Variants in MADD observed in about 807,000 individuals in gnomAD.
MADD encodes the protein MAP kinase-activating death domain protein.
In MADD, 109 loss-of-function variants were observed where a neutral mutation model predicts 176.7. The observed-to-expected ratio is 0.62, with a 90% CI of 0.53 to 0.72. The LOEUF (loss-of-function observed/expected upper bound fraction) is 0.72. Among genes scored for constraint, MADD ranks in the 30% least tolerant of loss-of-function variants. MADD has a pLI of 0.00. For synonymous variants in MADD, 771 were observed against 771.3 expected, an observed-to-expected ratio of 1.00 and a Z score of 0.01; for missense variants, 1,914 against 2,045.5, an observed-to-expected ratio of 0.94 and a Z score of 1.24.
At chr11:47,282,776 T>G (rs765812149) in intron 9 of MADD, 37 bp from the exon 10 acceptor site, 1 of 1,605,508 alleles carries the variant, frequency 6.2e-7, no homozygotes, top group Non-Finnish European at 8.5e-7. Context: ...TTTTTTTCCT[T>G]GCTGCTGACT....
Position 47,290,301 on chromosome 11 carries a change from T to C in MADD, c.3094+2T>C. On this transcript the variant is annotated splice_donor_variant, in intron 18 of 32. Transcript: ENST00000402192. LOFTEE classifies it high-confidence loss of function. ...CCCAGACCCACTACTATAGTAAAGGTAGGGATCGTACTTGCTGGGCACCAC... is the reference window on the plus strand; with the variant it reads ...CCCAGACCCACTACTATAGTAAAGGCAGGGATCGTACTTGCTGGGCACCAC... 6.2e-7 allele frequency: 1 copy of C among 1,613,512 alleles called. No individual in the cohort carries two copies. The highest frequency in any genetic ancestry group is 8.5e-7 in the Non-Finnish European group (1 of 1,179,610).
chr11:47,311,161 G>C (rs1461910196), intron 25 of MADD, among the ~76,000 whole-genome samples: 1 of 152,168 alleles, frequency 6.6e-6, no homozygotes, highest in African/African-American at 2.4e-5. Flanking sequence ...GAGCCACTGG[G>C]TTTCTCCTCC....
chr11:47,298,394 C>A (rs1309164701), intron 22 of MADD, among the ~76,000 whole-genome samples: 1 of 152,216 alleles, frequency 6.6e-6, no homozygotes, highest in African/African-American at 2.4e-5. Flanking sequence ...ATGGAAGCGG[C>A]AGTGAGAACC....
In MADD at chr11:47,273,850, T is replaced by C. The variant is rs370556883; in HGVS notation, c.-65T>C. The C allele has an allele frequency of 3.1e-5, 43 of 1,402,662 alleles. 1 individual carries two copies. The highest frequency in any genetic ancestry group is 1.2e-5 in the Non-Finnish European group (12 of 988,352). 86.9% of individuals were successfully genotyped at this position (1,402,662 alleles called of 1,614,324 possible). A position where few individuals can be genotyped will look rare whatever the true frequency, so the allele number is the denominator to read the frequency against. ...AGACTTCGATTTTCAGAATTCCTCC[T>C]GGGAATGCTGACTCCTTGCTTGGTG... is the stretch of plus-strand genomic sequence containing the variant. On this transcript the variant is annotated 5_prime_UTR_variant, in exon 2 of 33. Coordinates refer to ENST00000402192, the Ensembl canonical transcript of MADD.
chr11:47,308,390 G>A (rs1021955058), intron 22 of MADD, among the ~76,000 whole-genome samples: 1 of 152,184 alleles, frequency 6.6e-6, no homozygotes, highest in Non-Finnish European at 1.5e-5. Context: ...GTAAAGATAA[G>A]TCAAAAATGA....
At chr11:47,329,289 G>A in exon 33 of MADD, 2 of 687,266 alleles carry the variant, frequency 2.9e-6, no homozygotes, top group Non-Finnish European at 2.6e-6. Context: ...GGCTTGGTTG[G>A]TTACCGGTTA....
chr11:47,323,930 T>G, intron 28 of MADD, 95 bp downstream of exon 31: 1 of 1,359,654 alleles, frequency 7.4e-7, no homozygotes, highest in Non-Finnish European at 1.0e-6. Context: ...AACACACATC[T>G]GGAGCCACAC....
At chr11:47,317,941 T>C (rs4752981) in intron 27 of MADD, among the ~76,000 whole-genome samples, 1,705 of 152,160 alleles carry the variant, frequency 0.011, 79 homozygotes, top group Admixed American at 0.076. Context: ...GGCTAATTTT[T>C]GTGTTTTTAG....
chr11:47,278,326 TCTAGACCCAGTCCTG>T, intron 6 of MADD, 48 bp downstream of exon 6: 1 of 1,340,618 alleles, frequency 7.5e-7, no homozygotes, highest in Non-Finnish European at 1.1e-6. Flanking sequence ...AGGATTGCAT[TCTAGACCCAGTCCTG>T]AGATATCTGT....
chr11:47,296,181 A>G (rs1262915098), intron 22 of MADD, 126 bp downstream of exon 24: 2 of 1,157,224 alleles, frequency 1.7e-6, no homozygotes, highest in Non-Finnish European at 2.4e-6. Context: ...TAATCTTCTT[A>G]TATTTGGCTT....
rs1164995510 is a variant in MADD at position 47,274,973 on chromosome 11, G to A, written c.473G>A (p.Arg158Gln). The A allele has an allele frequency of 2.1e-5, 34 of 1,614,106 alleles. 1 individual carries two copies. The East Asian group carries it at 4.0e-4, about 19-fold the overall frequency. Residue 158 changes from arginine to glutamine, a missense_variant, in exon 3 of 33, where the codon CGG (arginine) becomes CAG (glutamine). Physicochemically the swap from Arg to Gln is conservative, Grantham distance 43. Around this residue, in one of 2 missense-constraint regions of MADD, gnomAD observed 1,767 missense variants for 1,836.0 expected, o/e 0.96. Coordinates refer to ENST00000402192, the Ensembl canonical transcript of MADD. ...ACCCCTGATGTGAACCAGTCTCCTC[G>A]GGGCAAACGCCGGGCCAAGGCGGGG... is the stretch of plus-strand genomic sequence containing the variant.
Position 47,279,077 on chromosome 11 carries a change from C to T in MADD, c.1288C>T (p.Gln430Ter). The change falls in exon 7 of 33, where the codon CAG (glutamine) becomes TAG (stop). Residue 430 changes from glutamine to a stop codon, truncating the protein, a stop_gained and splice_region_variant. Coordinates refer to ENST00000402192, the Ensembl canonical transcript of MADD. LOFTEE classifies it high-confidence loss of function. Reference sequence around the variant, plus strand: ...ACTAGAGCTGAAAAAGCATTTAAAGCAGGTAGGTGAAGAACGAAGGAAAGA... The same window carrying T: ...ACTAGAGCTGAAAAAGCATTTAAAGTAGGTAGGTGAAGAACGAAGGAAAGA... The T allele has an allele frequency of 6.2e-7, 1 of 1,613,632 alleles. No individual in the cohort carries two copies. The highest frequency in any genetic ancestry group is 8.5e-7 in the Non-Finnish European group (1 of 1,179,710).
intron 25 of MADD, among the ~76,000 whole-genome samples, chr11:47,310,803 A>G (rs755036046): frequency 6.6e-6 from 1 of 151,226 alleles, no homozygotes; most frequent in Non-Finnish European, 1.5e-5. Context: ...GCTACTTGGG[A>G]GGCTGAGACA....
chr11:47,315,391 C>T (rs1173573028), intron 27 of MADD, 64 bp downstream of exon 30: 20 of 820,554 alleles, frequency 2.4e-5, no homozygotes, highest in Middle Eastern at 2.3e-4. Context: ...CTCATAGGAC[C>T]GATGCCAGGA....
chr11:47,276,221 A>G lies in MADD; in HGVS notation c.963+19A>G. ...GCACAAGGTGAGAGGCAAGCTTCCT[A>G]GACCTTTCTAGGGGAGAAACTCTTA... On this transcript the variant is annotated intron_variant, in intron 4 of 32. Coordinates refer to ENST00000402192, the Ensembl canonical transcript of MADD. 1 of 1,580,460 alleles carries G rather than the reference A, an allele frequency of 6.3e-7. No individual in the cohort carries two copies. Among genetic ancestry groups the G allele is most frequent in the Non-Finnish European group, 8.6e-7 (1 of 1,160,412 alleles).
At chr11:47,279,630 C>T (rs1484208404) in intron 7 of MADD, among the ~76,000 whole-genome samples, 7 of 151,954 alleles carry the variant, frequency 4.6e-5, no homozygotes, top group Non-Finnish European at 2.9e-5. Context: ...CCGCCTGCCT[C>T]AGCCTCCCGA....
exon 3 of MADD, chr11:47,274,723 A>G (rs1187454238): frequency 6.2e-7 from 1 of 1,614,134 alleles, no homozygotes; most frequent in South Asian, 1.1e-5. Flanking sequence ...TCGGGATGAT[A>G]CCTCTTTTGT....
At chr11:47,295,256 C>T (rs2070187643) in intron 20 of MADD, among the ~76,000 whole-genome samples, 1 of 152,128 alleles carries the variant, frequency 6.6e-6, no homozygotes, top group East Asian at 1.9e-4. Context: ...AAATGATCCT[C>T]CCACCTCAGC....
intron 22 of MADD, among the ~76,000 whole-genome samples, chr11:47,306,576 G>T (rs2082816511): frequency 6.6e-6 from 1 of 152,056 alleles, no homozygotes; most frequent in Non-Finnish European, 1.5e-5. Flanking sequence ...GAATTGTCTT[G>T]CTTACTTCCT....
Sources: allele counts gnomAD v4.1 joint callset (sites outside exome capture counted in the v4.1 genomes callset), GRCh38; gene constraint gnomAD v4.1.1; regional missense constraint gnomAD v4.1.1; transcripts MANE v1.5; gene names NCBI Gene and HGNC (gene_info 2026-07-23, HGNC 2026-07-21).